The following CACTIN variants were observed in gnomAD, a reference collection of about 807,000 sequenced individuals.
CACTIN encodes the protein splicing factor Cactin.
Under a neutral mutation model 84.9 loss-of-function variants are expected in CACTIN, and 20 were observed. That is an observed-to-expected ratio of 0.24 (90% CI 0.17 to 0.34). The LOEUF (loss-of-function observed/expected upper bound fraction) is 0.34. Among genes scored for constraint, CACTIN ranks in the 10% least tolerant of loss-of-function variants. The pLI is 1.00. For synonymous variants in CACTIN, 549 were observed against 467.9 expected (o/e 1.17, Z -2.24); for missense variants, 897 against 1,117.2 (o/e 0.80, Z 2.81).
Position 3,610,718 on chromosome 19 carries a change from T to C in CACTIN, c.*1205A>G, listed in dbSNP as rs750734810. ...AGGCCAATTCCATGAGAACAAAAGA[T>C]TTTTTTTCCCACCTACAAGTCTTTT... On this transcript the variant is annotated 3_prime_UTR_variant, in exon 10 of 10. Transcript: ENST00000429344. 1 of 456,638 alleles carries C rather than the reference T, an allele frequency of 2.2e-6. No homozygotes were observed. The highest frequency in any genetic ancestry group is 1.6e-5 in the South Asian group (1 of 64,456). 28.3% of individuals were successfully genotyped at this position (456,638 alleles called of 1,614,324 possible).
intron 2 of CACTIN, among the ~76,000 whole-genome samples, chr19:3,621,913 C>G (rs904867428): frequency 2.0e-5 from 3 of 152,176 alleles, no homozygotes; most frequent in Non-Finnish European, 4.4e-5. Context: ...GGAGACCCCA[C>G]AGCTCCCAAC....
Position 3,625,057 on chromosome 19 carries a change from A to G in CACTIN, c.168-895T>C, listed in dbSNP as rs115847451. Among the ~76,000 whole-genome samples the G allele has an allele frequency of 8.6e-3, 1,308 of 151,918 alleles. 20 individuals are homozygous for G. The highest frequency in any genetic ancestry group is 0.03 in the African/African-American group (1,254 of 41,412). On this transcript the variant is annotated intron_variant, in intron 1 of 9. Transcript: ENST00000429344. Reference sequence around the variant, plus strand: ...AGGCACACACCACCACGCCCAGGTAACTCTTTACATTTTTTTGTACAGAGG... The same window carrying G: ...AGGCACACACCACCACGCCCAGGTAGCTCTTTACATTTTTTTGTACAGAGG...
Position 3,618,934 on chromosome 19 carries a change from G to A in CACTIN, c.1103C>T (p.Thr368Ile), listed in dbSNP as rs368947206. The A allele has an allele frequency of 3.1e-5, 48 of 1,560,528 alleles. No individual in the cohort carries two copies. The highest frequency in any genetic ancestry group is 5.4e-5 in the African/African-American group (4 of 73,472). Residue 368 changes from threonine to isoleucine, a missense_variant, in exon 6 of 10, where the codon ACC becomes ATC. By Grantham distance (89) the Thr-to-Ile change is moderately conservative. Coordinates refer to ENST00000429344, the MANE Select transcript of CACTIN (RefSeq NM_001080543.2). ...KNADFWRDMT[T>I]ITEDEISKLR... Reference sequence around the variant, plus strand: ...CTTGGAGATCTCGTCCTCGGTGATGGTGGTCATGTCCCGCCAGAAGTCGGC... The same window carrying A: ...CTTGGAGATCTCGTCCTCGGTGATGATGGTCATGTCCCGCCAGAAGTCGGC...
Position 3,614,531 on chromosome 19 carries a change from C to T in CACTIN, c.1221G>A (p.Lys407=), listed in dbSNP as rs1176650246. The T allele has an allele frequency of 6.2e-7, 1 of 1,609,228 alleles. No individual in the cohort carries two copies. The highest frequency in any genetic ancestry group is 1.7e-5 in the Admixed American group (1 of 59,384). Residue 407 remains lysine (K), a synonymous_variant, in exon 7 of 10, where the codon AAG becomes AAA. Coordinates refer to ENST00000429344, the MANE Select transcript of CACTIN (RefSeq NM_001080543.2). ...SVSSDVQSVF[K]GKTYNQLQVI... is the part of the protein sequence containing the mutation. ...CCTGCAGCTGGTTGTATGTCTTCCC[C>T]TTGAACACCGACTGCACATCAGAGC...
Position 3,612,369 on chromosome 19 carries a change from T to G in CACTIN, c.1831A>C (p.Lys611Gln), listed in dbSNP as rs1352313665. ...SAEDIFFRRA[K>Q]EGMGQDEAQF... is the part of the protein sequence containing the mutation. ...GCCTCGTCCTGGCCCATGCCCTCCT[T>G]GGCCCGCCGGAAGAAGATGTCCTCG... The change falls in exon 10 of 10, where the codon AAG becomes CAG. Residue 611 changes from lysine (K) to glutamine (Q), a missense_variant. By Grantham distance (53) the Lys-to-Gln change is moderately conservative. Transcript: ENST00000429344. 2.5e-6 allele frequency: 4 copies of G among 1,606,754 alleles called. No homozygotes were observed. The highest frequency in any genetic ancestry group is 2.5e-6 in the Non-Finnish European group (3 of 1,177,908).
At position 3,611,656 on chromosome 19, in the gene CACTIN, G is replaced by A. The variant is rs1032089618; in HGVS notation, c.*267C>T. ...GCGGCTGCTGGCCACCCTCGTGCTC[G>A]AAAGATGCCCCTAGCGCCCCCTCCG... On this transcript the variant is annotated 3_prime_UTR_variant, in exon 10 of 10. Coordinates refer to ENST00000429344, the MANE Select transcript of CACTIN (RefSeq NM_001080543.2). 7 of 505,666 alleles carry A rather than the reference G, an allele frequency of 1.4e-5. No homozygotes were observed. The highest frequency in any genetic ancestry group is 3.0e-4 in the Middle Eastern group (1 of 3,302). The allele number at this position is 505,666 out of a possible 1,614,324, so 31.3% of individuals were successfully genotyped here. A position where few individuals can be genotyped will look rare whatever the true frequency, so the allele number is the denominator to read the frequency against.
chr19:3,625,458 G>C (rs1198149570), intron 1 of CACTIN, among the ~76,000 whole-genome samples: 1 of 152,168 alleles, frequency 6.6e-6, no homozygotes. Flanking sequence ...GGGCAGGCGC[G>C]GTGGCTCACG....
chr19:3,618,228 G>A (rs1056068626), intron 6 of CACTIN, among the ~76,000 whole-genome samples: 4 of 151,120 alleles, frequency 2.6e-5, no homozygotes, highest in Non-Finnish European at 5.9e-5. Context: ...GGGGACTCTG[G>A]GCAACGTCTG....
intron 2 of CACTIN, among the ~76,000 whole-genome samples, chr19:3,621,576 C>T (rs551627150): frequency 1.3e-5 from 2 of 152,370 alleles, no homozygotes; most frequent in South Asian, 4.1e-4. Context: ...GGGCCGCTTC[C>T]ACAGGCGTCA....
chr19:3,617,982 C>T lies in CACTIN; in HGVS notation c.1162+893G>A, dbSNP rs966268151. 3.3e-5 allele frequency among the ~76,000 whole-genome samples: 5 copies of T among 152,218 alleles called. No individual in the cohort carries two copies. In the South Asian group the frequency reaches 1.0e-3, roughly 31 times the overall value. On this transcript the variant is annotated intron_variant, in intron 6 of 9. Coordinates refer to ENST00000429344, the MANE Select transcript of CACTIN (RefSeq NM_001080543.2). ...CTGCCACAGACCACGCTGAGGGCTGCAAATGACACTGACCCAGCCTCCTGG... is the reference window on the plus strand; with the variant it reads ...CTGCCACAGACCACGCTGAGGGCTGTAAATGACACTGACCCAGCCTCCTGG...
Position 3,613,492 on chromosome 19 carries a change from TGAG to T in CACTIN, c.1447_1449del (p.Leu483del). ...CGGCTGGGGGACTGGGGCTCCTGCT[TGAG>T]GATGGGGAACAGCGGCTCGCTCTCC... On this transcript the variant is annotated inframe_deletion, in exon 8 of 10. Transcript: ENST00000429344. 1 of 1,585,362 alleles carries T rather than the reference TGAG, an allele frequency of 6.3e-7. No homozygotes were observed. The highest frequency in any genetic ancestry group is 1.8e-5 in the Admixed American group (1 of 56,700).
At chr19:3,624,986 G>A (rs1437417971) in intron 1 of CACTIN, among the ~76,000 whole-genome samples, 3 of 152,138 alleles carry the variant, frequency 2.0e-5, no homozygotes, top group Admixed American at 1.3e-4. Context: ...GACCTCCTGG[G>A]CTCAAGCCAT....
Position 3,620,235 on chromosome 19 carries a change from G to T in CACTIN, c.776C>A (p.Ala259Asp). Residue 259 changes from alanine to aspartate, a missense_variant, in exon 4 of 10, where the codon GCC (alanine) becomes GAC (aspartate). Around this residue, in one of 8 missense-constraint regions of CACTIN, gnomAD observed 304 missense variants for 444.3 expected, o/e 0.68. Coordinates refer to ENST00000429344, the MANE Select transcript of CACTIN (RefSeq NM_001080543.2). ...QLRLEREREK[A>D]MREQELEMLQ... ...CATCTCCAGCTCCTGCTCGCGCATG[G>T]CCTTCTCCCGCTCCCGCTCCAGCCG... is the stretch of plus-strand genomic sequence containing the variant. The T allele has an allele frequency of 1.3e-6, 2 of 1,591,750 alleles. No individual in the cohort carries two copies. The highest frequency in any genetic ancestry group is 1.1e-5 in the South Asian group (1 of 88,482).
In CACTIN at chr19:3,620,109, G is replaced by A. The variant is rs759838454; in HGVS notation, c.884+18C>T. Reference sequence around the variant, plus strand: ...GGCTCCAAGTCTGGGTCGGAGGGAGGGGGAGGCCCCAGCGCACCGCAGCTT... The same window carrying A: ...GGCTCCAAGTCTGGGTCGGAGGGAGAGGGAGGCCCCAGCGCACCGCAGCTT... On this transcript the variant is annotated intron_variant, in intron 4 of 9. Transcript: ENST00000429344. 3.1e-6 allele frequency: 5 copies of A among 1,608,126 alleles called. No homozygotes were observed. The highest frequency in any genetic ancestry group is 2.2e-5 in the East Asian group (1 of 44,858).
At chr19:3,625,330 T>G (rs2033311688) in intron 1 of CACTIN, among the ~76,000 whole-genome samples, 4 of 152,254 alleles carry the variant, frequency 2.6e-5, no homozygotes. Flanking sequence ...CAAGTTCAAC[T>G]GAATTTTCGT....
At chr19:3,618,762 G>C in intron 6 of CACTIN, 113 bp downstream of exon 6, 1 of 851,922 alleles carries the variant, frequency 1.2e-6, no homozygotes, top group Non-Finnish European at 1.8e-6. Flanking sequence ...GGCCCCAGTT[G>C]GGGAAACCGA....
chr19:3,626,568 C>T (rs780013050), intron 1 of CACTIN, 28 bp downstream of exon 1: 19 of 1,402,006 alleles, frequency 1.4e-5, no homozygotes, highest in Admixed American at 2.8e-5. Flanking sequence ...GAGCCGGATC[C>T]CCAGCGCTGC....
intron 2 of CACTIN, chr19:3,621,177 T>A (rs576404633): frequency 2.6e-6 from 1 of 384,746 alleles, no homozygotes; most frequent in African/African-American, 2.1e-5. Context: ...TCTGAGTGCT[T>A]CGGACGTGAA....
chr19:3,620,600 C>G lies in CACTIN; in HGVS notation c.738+107G>C. The G allele has an allele frequency of 3.5e-6, 3 of 860,834 alleles. No individual in the cohort carries two copies. In the South Asian group the frequency reaches 5.2e-5, roughly 15 times the overall value. 53.3% of individuals were successfully genotyped at this position (860,834 alleles called of 1,614,324 possible). ...CCCTGGATCCAGCCTTACCTGAAGCCAGCCCCCAGGACTTCCCACTTAAGC... is the reference window on the plus strand; with the variant it reads ...CCCTGGATCCAGCCTTACCTGAAGCGAGCCCCCAGGACTTCCCACTTAAGC... On this transcript the variant is annotated intron_variant, in intron 3 of 9. Transcript: ENST00000429344.
Sources: gnomAD v4.1 joint callset for allele counts (sites outside exome capture counted in the v4.1 genomes callset) on GRCh38, gnomAD v4.1.1 for gene constraint, gnomAD v4.1.1 regional missense constraint, MANE v1.5 for transcripts, NCBI Gene and HGNC (gene_info 2026-07-23, HGNC 2026-07-21) for gene names.